Variants in ZZZ3 observed in about 807,000 individuals in gnomAD.
The protein encoded by ZZZ3 is ZZ-type zinc finger-containing protein 3.
ZZZ3 carries 22 observed loss-of-function variants against 95.2 expected under a neutral mutation model. The ratio of observed to expected loss-of-function variants is 0.23; its 90% confidence interval spans 0.17 to 0.33. ZZZ3 has a LOEUF of 0.33. ZZZ3 is among the 10% of genes least tolerant of loss of function. ZZZ3 has a pLI of 1.00. For missense variants in ZZZ3, 885 were observed against 1,066.5 expected (o/e 0.83, Z 2.37); for synonymous variants, 335 against 358.9 (o/e 0.93, Z 0.75).
At chr1:77,606,780 C>T (rs979283673) in intron 5 of ZZZ3, among the ~76,000 whole-genome samples, 2 of 152,168 alleles carry the variant, frequency 1.3e-5, no homozygotes, top group Non-Finnish European at 2.9e-5. Context: ...CTTGGGATGC[C>T]CTCTAATACA....
intron 5 of ZZZ3, among the ~76,000 whole-genome samples, chr1:77,606,406 CA>C (rs1299887154): frequency 6.6e-6 from 1 of 152,220 alleles, no homozygotes; most frequent in Admixed American, 6.5e-5. Flanking sequence ...CCCAGAGTCT[CA>C]GGGAACTCAC....
At chr1:77,622,565 C>G (rs1666984557) in intron 5 of ZZZ3, among the ~76,000 whole-genome samples, 1 of 152,044 alleles carries the variant, frequency 6.6e-6, no homozygotes. Flanking sequence ...AAATCTGGTA[C>G]AACAAAAATC....
intron 5 of ZZZ3, among the ~76,000 whole-genome samples, chr1:77,600,215 T>C (rs1274619924): frequency 7.2e-5 from 11 of 152,156 alleles, no homozygotes; most frequent in Non-Finnish European, 1.6e-4. Flanking sequence ...GATTAGCCAC[T>C]TGGTGTGGTT....
chr1:77,658,965 A>G (rs1250735278), intron 1 of ZZZ3, among the ~76,000 whole-genome samples: 1 of 152,166 alleles, frequency 6.6e-6, no homozygotes, highest in Non-Finnish European at 1.5e-5. Flanking sequence ...GTTCATTAAA[A>G]TATACTTCTT....
intron 12 of ZZZ3, among the ~76,000 whole-genome samples, chr1:77,575,731 T>C (rs933057443): frequency 2.6e-5 from 4 of 152,354 alleles, no homozygotes; most frequent in Admixed American, 2.0e-4. Flanking sequence ...ACAGTGACTA[T>C]ATATTTCACT....
Position 77,581,938 on chromosome 1 carries a change from A to T in ZZZ3, c.1792+41T>A. On this transcript the variant is annotated intron_variant, in intron 7 of 14. Transcript: ENST00000370801. ...AGAACTGTTAAAGCAAAACATTGCC[A>T]GATATTTTTCTACTTAAATTCTTAT... 5 of 1,603,538 alleles carry T rather than the reference A, an allele frequency of 3.1e-6. No individual in the cohort carries two copies. The South Asian group carries it at 5.5e-5, about 18-fold the overall frequency.
chr1:77,603,798 G>T (rs1205775220), intron 5 of ZZZ3, among the ~76,000 whole-genome samples: 10 of 152,122 alleles, frequency 6.6e-5, no homozygotes, highest in Admixed American at 6.5e-4. Context: ...GAATATTTCA[G>T]ATCTCAGATC....
At chr1:77,605,255 A>G (rs918361107) in intron 5 of ZZZ3, among the ~76,000 whole-genome samples, 1 of 152,222 alleles carries the variant, frequency 6.6e-6, no homozygotes, top group African/African-American at 2.4e-5. Flanking sequence ...TCATCATGAG[A>G]CTACATCAAA....
intron 5 of ZZZ3, among the ~76,000 whole-genome samples, chr1:77,621,034 G>A (rs189555129): frequency 1.1e-4 from 17 of 152,254 alleles, no homozygotes; most frequent in African/African-American, 3.8e-4. Flanking sequence ...TACTGCCAGC[G>A]AAAAATAATT....
intron 1 of ZZZ3, among the ~76,000 whole-genome samples, chr1:77,658,644 G>A (rs934554092): frequency 4.6e-5 from 7 of 152,100 alleles, no homozygotes; most frequent in Non-Finnish European, 5.9e-5. Context: ...GATTACAGGC[G>A]TGAGCCACAC....
At chr1:77,585,240 TA>T (rs989733211) in intron 5 of ZZZ3, among the ~76,000 whole-genome samples, 11 of 152,204 alleles carry the variant, frequency 7.2e-5, no homozygotes, top group Admixed American at 7.2e-4. Context: ...GTTCAATTCT[TA>T]AGTATTAATC....
intron 5 of ZZZ3, among the ~76,000 whole-genome samples, chr1:77,623,279 G>A (rs1041898168): frequency 2.0e-5 from 3 of 152,064 alleles, no homozygotes; most frequent in East Asian, 1.9e-4. Flanking sequence ...TTTGTGGGAC[G>A]GAGTATCAAA....
At position 77,563,668 on chromosome 1, in the gene ZZZ3, T is replaced by G. The variant is rs906773693; in HGVS notation, c.*1972A>C. The G allele has an allele frequency of 3.3e-5, 5 of 152,168 alleles. No homozygotes were observed. Among genetic ancestry groups the G allele is most frequent in the African/African-American group, 1.2e-4 (5 of 41,448 alleles). The allele number at this position is 152,168 out of a possible 1,614,324, so 9.4% of individuals were successfully genotyped here. ...TATTATTTCTACACAAACATAGAAG[T>G]TACCATCAAGCATTACTATCTTGCC... On this transcript the variant is annotated 3_prime_UTR_variant, in exon 15 of 15. Transcript: ENST00000370801.
chr1:77,632,129 T>C lies in ZZZ3; in HGVS notation c.1226A>G (p.Asn409Ser). The change falls in exon 5 of 15, where the codon AAT becomes AGT. Residue 409 changes from asparagine to serine, a missense_variant. Around this residue, in one of 5 missense-constraint regions of ZZZ3, gnomAD observed 556 missense variants for 652.9 expected, o/e 0.85. Coordinates refer to ENST00000370801, the MANE Select transcript of ZZZ3 (RefSeq NM_015534.6). ...TGCATTTGTTTCATTAGGACTAAGA[T>C]TATTCTCCTCAAATTGTCCATTTTC... is the stretch of plus-strand genomic sequence containing the variant. Reference protein sequence around the residue: ...YRENGQFEENNLSPNETNATV... With the variant: ...YRENGQFEENSLSPNETNATV... The C allele has an allele frequency of 6.2e-7, 1 of 1,614,170 alleles. No individual in the cohort carries two copies.
At chr1:77,637,604 G>C (rs546942557) in intron 4 of ZZZ3, among the ~76,000 whole-genome samples, 43 of 152,238 alleles carry the variant, frequency 2.8e-4, no homozygotes, top group African/African-American at 9.6e-4. Flanking sequence ...GAGGCAAGAG[G>C]ATCACTTGAG....
At chr1:77,579,442 A>G (rs534193455) in intron 10 of ZZZ3, 85 bp downstream of exon 10, 6 of 957,314 alleles carry the variant, frequency 6.3e-6, no homozygotes, top group African/African-American at 5.1e-5. Flanking sequence ...GTTATGGCAG[A>G]TCGCCCAATG....
At chr1:77,653,040 A>T (rs917332355) in intron 1 of ZZZ3, among the ~76,000 whole-genome samples, 1 of 152,196 alleles carries the variant, frequency 6.6e-6, no homozygotes, top group East Asian at 1.9e-4. Flanking sequence ...TTAAAAAATT[A>T]GCCAGGTATA....
At chr1:77,676,933 T>A (rs1168802143) in intron 1 of ZZZ3, 1 of 152,216 alleles carries the variant, frequency 6.6e-6, no homozygotes, top group Non-Finnish European at 1.5e-5. Flanking sequence ...GGTAAAAACT[T>A]AAATTTATTT....
intron 5 of ZZZ3, among the ~76,000 whole-genome samples, chr1:77,605,278 A>C (rs1665122510): frequency 6.6e-6 from 1 of 152,244 alleles, no homozygotes; most frequent in Non-Finnish European, 1.5e-5. Context: ...CCATGCTGCC[A>C]TCACAGTAGA....
Sources: gnomAD v4.1 joint callset for allele counts (sites outside exome capture counted in the v4.1 genomes callset) on GRCh38, gnomAD v4.1.1 for gene constraint, gnomAD v4.1.1 regional missense constraint, MANE v1.5 for transcripts, NCBI Gene and HGNC (gene_info 2026-07-23, HGNC 2026-07-21) for gene names.